The following LETMD1 variants were observed in gnomAD, a reference collection of about 807,000 sequenced individuals.
LETMD1 encodes LETM1 domain containing 1.
LETMD1 carries 30 observed loss-of-function variants against 43.9 expected under a neutral mutation model. That is an observed-to-expected ratio of 0.68 (90% CI 0.51 to 0.93). The LOEUF (loss-of-function observed/expected upper bound fraction) is 0.93, where lower values mean the gene tolerates loss of function less well. Ranked by LOEUF, LETMD1 falls within the 40% of genes least tolerant of loss-of-function variation. The pLI is 0.00. For synonymous variants in LETMD1, 176 were observed against 163.1 expected, an observed-to-expected ratio of 1.08 and a Z score of -0.60; for missense variants, 413 against 447.7, an observed-to-expected ratio of 0.92 and a Z score of 0.70.
At chr12:51,049,776 T>G (rs1945452252) in intron 2 of LETMD1, among the ~76,000 whole-genome samples, 1 of 152,252 alleles carries the variant, frequency 6.6e-6, no homozygotes, top group East Asian at 1.9e-4. Flanking sequence ...TTCCTTGGTT[T>G]TCTTATGTGT....
At chr12:51,066,015 C>A in the LETMD1 span, among the ~76,000 whole-genome samples, 13 of 152,174 alleles carry the variant, frequency 8.5e-5, no homozygotes, top group Admixed American at 6.5e-5. Context: ...CTTAAACTGT[C>A]CCCCATCAGA....
Position 51,058,070 on chromosome 12 carries a change from TGAA to T in LETMD1, c.957_959del (p.Glu319del), listed in dbSNP as rs1233582394. Reference sequence around the variant, plus strand: ...GTGGCCTGAATTCTACGCATATTGGTGAAGATAGGTGTCGAACTTGGCTGGGAG... The same window carrying T: ...GTGGCCTGAATTCTACGCATATTGGTGATAGGTGTCGAACTTGGCTGGGAG... On this transcript the variant is annotated inframe_deletion, in exon 8 of 9. Transcript: ENST00000262055. The T allele has an allele frequency of 3.1e-6, 5 of 1,613,714 alleles. No individual in the cohort carries two copies. The highest frequency in any genetic ancestry group is 1.7e-5 in the Admixed American group (1 of 60,006).
downstream of LETMD1, chr12:51,062,480 G>GT (rs1592733274): frequency 6.6e-6 from 1 of 152,216 alleles, no homozygotes; most frequent in Non-Finnish European, 1.5e-5. Context: ...CCTGACAGAG[G>GT]TAAGAACTGA....
At chr12:51,053,679 G>T in intron 3 of LETMD1, 99 bp from the exon 4 acceptor site, 1 of 755,526 alleles carries the variant, frequency 1.3e-6, no homozygotes, top group Non-Finnish European at 2.2e-6. Flanking sequence ...CTTTTTCTGG[G>T]CTGTAATAGA....
intron 8 of LETMD1, 175 bp downstream of exon 8, chr12:51,058,303 A>G (rs1190101405): frequency 6.5e-6 from 4 of 616,006 alleles, no homozygotes; most frequent in Non-Finnish European, 1.2e-5. Context: ...GAAGTAGGCC[A>G]TAAGACAAGA....
At chr12:51,063,674 G>T, downstream of LETMD1, 1 of 1,213,392 alleles carries the variant, frequency 8.2e-7, no homozygotes, top group Non-Finnish European at 1.1e-6. Context: ...CTACAGTTTT[G>T]TTTTGAAATG....
chr12:51,049,485 G>T lies in LETMD1; in HGVS notation c.274+300G>T, dbSNP rs561359760. On this transcript the variant is annotated intron_variant, in intron 2 of 8. Coordinates refer to ENST00000262055, the MANE Select transcript of LETMD1 (RefSeq NM_015416.5). ...AGTAGAAATTTTTTGCCTTGCACAC[G>T]GCAGGGATCTGTGGCTGTATAGACC... 50 of 296,646 alleles carry T rather than the reference G, an allele frequency of 1.7e-4. No individual in the cohort carries two copies. The East Asian group carries it at 3.4e-3, about 20-fold the overall frequency. 18.4% of individuals were successfully genotyped at this position (296,646 alleles called of 1,614,324 possible).
downstream of LETMD1, chr12:51,063,799 T>C (rs982609791): frequency 1.1e-5 from 18 of 1,600,388 alleles, no homozygotes; most frequent in Non-Finnish European, 1.4e-5. Context: ...CGATCCTCAT[T>C]CTGCTGGGAG....
chr12:51,056,526 A>C (rs759353914), intron 7 of LETMD1, 24 bp downstream of exon 7: 2 of 1,613,588 alleles, frequency 1.2e-6, no homozygotes, highest in Non-Finnish European at 1.7e-6. Flanking sequence ...TGCAACATCA[A>C]CCCTCAACCC....
chr12:51,063,857 G>T (rs143275616), downstream of LETMD1: 1 of 1,613,992 alleles, frequency 6.2e-7, no homozygotes, highest in African/African-American at 1.3e-5. Context: ...GGAAGGGGAG[G>T]CTTGAGGGGG....
chr12:51,048,297 A>T (rs11832162), upstream of LETMD1: 10 of 1,612,074 alleles, frequency 6.2e-6, no homozygotes, highest in South Asian at 6.6e-5. Flanking sequence ...AACGAACGCG[A>T]CGTACGGTTA....
In LETMD1 at chr12:51,055,965, A is replaced by G. The variant is rs753340214; in HGVS notation, c.604A>G (p.Ile202Val). 3 of 1,614,038 alleles carry G rather than the reference A, an allele frequency of 1.9e-6. No homozygotes were observed. Among genetic ancestry groups the G allele is most frequent in the African/African-American group, 1.3e-5 (1 of 74,932 alleles). ...PEIISYLEKV[I>V]PLISDAGLRW... ...AATTATTAGTTATTTAGAAAAGGTC[A>G]TCCCTCTCATTTCTGATGCAGGACT... Residue 202 changes from isoleucine to valine, a missense_variant, in exon 5 of 9, where the codon ATC (isoleucine) becomes GTC (valine). Physicochemically the swap from Ile to Val is conservative, Grantham distance 29. Transcript: ENST00000262055.
the LETMD1 span, among the ~76,000 whole-genome samples, chr12:51,067,057 T>C: frequency 6.6e-6 from 1 of 152,116 alleles, no homozygotes; most frequent in African/African-American, 2.4e-5. This position sits in a 1 kb window ranked among gnomAD's most constrained non-coding sequence, Gnocchi z 4.1. Flanking sequence ...CTCGAACTCC[T>C]GGGAAGCAAT....
At chr12:51,057,711 C>T (rs1223514184) in intron 7 of LETMD1, 23 of 354,454 alleles carry the variant, frequency 6.5e-5, no homozygotes, top group Non-Finnish European at 1.1e-4. Context: ...CTGCAACCTC[C>T]GCCTCCCAGG....
In LETMD1 at chr12:51,049,155, T is replaced by C. The variant is rs1319532645; in HGVS notation, c.244T>C (p.Phe82Leu). The C allele has an allele frequency of 6.2e-7, 1 of 1,614,010 alleles. No individual in the cohort carries two copies. Reference protein sequence around the residue: ...HRFLGRHFPRFYVLYTIFMKG... With the variant: ...HRFLGRHFPRLYVLYTIFMKG... Reference sequence around the variant, plus strand: ...TTTCTTGGGTCGTCATTTCCCCCGCTTCTATGTCCTGTACACAATCTTCAT... The same window carrying C: ...TTTCTTGGGTCGTCATTTCCCCCGCCTCTATGTCCTGTACACAATCTTCAT... The change falls in exon 2 of 9, where the codon TTC (phenylalanine) becomes CTC (leucine). Residue 82 changes from phenylalanine (F) to leucine (L), a missense_variant. Physicochemically the swap from Phe to Leu is conservative, Grantham distance 22. Transcript: ENST00000262055.
the LETMD1 span, among the ~76,000 whole-genome samples, chr12:51,065,473 T>C: frequency 7.9e-5 from 12 of 152,206 alleles, no homozygotes; most frequent in African/African-American, 2.9e-4. Flanking sequence ...TACTGACTTA[T>C]AGAAATCTCC....
At chr12:51,052,653 C>T (rs1322704649) in intron 3 of LETMD1, among the ~76,000 whole-genome samples, 4 of 151,828 alleles carry the variant, frequency 2.6e-5, no homozygotes, top group Non-Finnish European at 5.9e-5. Flanking sequence ...TGGTGGCGGG[C>T]GCCTGTAATC....
downstream of LETMD1, chr12:51,062,162 C>G (rs910746346): frequency 3.3e-5 from 5 of 152,134 alleles, no homozygotes; most frequent in African/African-American, 1.2e-4. Context: ...GGGTGAAATG[C>G]TGCTGCGACA....
At chr12:51,053,506 G>C (rs1946751357) in intron 3 of LETMD1, among the ~76,000 whole-genome samples, 3 of 152,018 alleles carry the variant, frequency 2.0e-5, no homozygotes, top group Non-Finnish European at 4.4e-5. Flanking sequence ...AGCCTAGAGT[G>C]GCGGCTTATG....
Sources: gnomAD v4.1 joint callset for allele counts (sites outside exome capture counted in the v4.1 genomes callset) on GRCh38, gnomAD v4.1.1 for gene constraint, Gnocchi (gnomAD v3.1) non-coding constraint, MANE v1.5 for transcripts, NCBI Gene and HGNC (gene_info 2026-07-23, HGNC 2026-07-21) for gene names.